The following SYNE2 variants were observed in gnomAD, a reference collection of about 807,000 sequenced individuals.
SYNE2 encodes the protein nesprin-2.
Under a neutral mutation model 856.3 loss-of-function variants are expected in SYNE2, and 431 were observed. The ratio of observed to expected loss-of-function variants is 0.50; its 90% CI spans 0.47 to 0.55. The LOEUF is 0.55. Among genes scored for constraint, SYNE2 ranks in the 20% least tolerant of loss-of-function variants. SYNE2 has a pLI of 0.00. For synonymous variants in SYNE2, 2,923 were observed against 2,872.3 expected (o/e 1.02, Z -0.56); for missense variants, 8,129 against 8,023.2 (o/e 1.01, Z -0.50).
chr14:64,174,918 C>G lies in SYNE2; in HGVS notation c.17236-26C>G, dbSNP rs142802895. 50 of 1,606,860 alleles carry G rather than the reference C, an allele frequency of 3.1e-5. No individual in the cohort carries two copies. In the African/African-American group the frequency reaches 5.3e-4, roughly 17 times the overall value. On this transcript the variant is annotated intron_variant, in intron 94 of 115. Transcript: ENST00000555002. ...ATTTTGAACACATCAGAAACCTAAG[C>G]AAATTACTTCTCTTTTTTTTCTTAG...
At chr14:63,974,343 G>A (rs1232724045) in intron 11 of SYNE2, among the ~76,000 whole-genome samples, 1 of 152,100 alleles carries the variant, frequency 6.6e-6, no homozygotes. Flanking sequence ...ATAGTGGAAG[G>A]CAAAGGGGAG....
intron 65 of SYNE2, among the ~76,000 whole-genome samples, chr14:64,111,364 G>C (rs998373966): frequency 2.0e-5 from 3 of 152,006 alleles, no homozygotes; most frequent in Non-Finnish European, 4.4e-5. Flanking sequence ...AAAAGGAAAG[G>C]GAATTCCAAA....
intron 2 of SYNE2, among the ~76,000 whole-genome samples, chr14:63,939,819 C>G (rs369936397): frequency 4.1e-4 from 62 of 152,294 alleles, no homozygotes; most frequent in African/African-American, 1.3e-3. Context: ...ATAACAGAAA[C>G]AGGATTTGAA....
At chr14:63,806,157 A>G (rs945413462) in intron 1 of SYNE2, among the ~76,000 whole-genome samples, 75 of 152,242 alleles carry the variant, frequency 4.9e-4, no homozygotes, top group Non-Finnish European at 9.4e-4. Flanking sequence ...ATGTTTCTCT[A>G]ATGCCAAGTT....
At chr14:63,948,987 C>T (rs779977385) in intron 6 of SYNE2, among the ~76,000 whole-genome samples, 5 of 151,398 alleles carry the variant, frequency 3.3e-5, no homozygotes, top group African/African-American at 7.3e-5. Context: ...ATGTTCTGTA[C>T]GCTCGTGAAA....
chr14:64,129,933 C>A, intron 75 of SYNE2, 32 bp downstream of exon 75: 2 of 1,614,060 alleles, frequency 1.2e-6, no homozygotes, highest in Non-Finnish European at 1.7e-6. Context: ...TGACTCAGCA[C>A]TGTGATTGTG....
intron 1 of SYNE2, among the ~76,000 whole-genome samples, chr14:63,770,827 A>G (rs1464864489): frequency 6.6e-6 from 1 of 152,060 alleles, no homozygotes; most frequent in Admixed American, 6.6e-5. Context: ...AACATTTTTC[A>G]ATAAAAAAAA....
At chr14:63,851,424 T>C (rs1413622964), upstream of SYNE2, among the ~76,000 whole-genome samples, 4 of 152,130 alleles carry the variant, frequency 2.6e-5, no homozygotes, top group Admixed American at 2.6e-4. Context: ...TAGAGCTTTG[T>C]TGTGACTCAA....
intron 2 of SYNE2, among the ~76,000 whole-genome samples, chr14:63,939,830 C>G (rs1238773729): frequency 6.6e-6 from 1 of 152,194 alleles, no homozygotes. Context: ...AGGATTTGAA[C>G]ACAGTTCTCT....
In SYNE2 at chr14:64,010,071, G is replaced by A. The variant is rs1224440196; in HGVS notation, c.4683G>A (p.Gln1561=). 1 of 1,613,986 alleles carries A rather than the reference G, an allele frequency of 6.2e-7. No individual in the cohort carries two copies. Among genetic ancestry groups the A allele is most frequent in the Non-Finnish European group, 8.5e-7 (1 of 1,179,944 alleles). ...IQKEESVISL[Q]ASYMGKENLK... Reference sequence around the variant, plus strand: ...AAGAAGAGAGTGTCATCTCCCTGCAGGCTTCGTACATGGGAAAGGAGAACC... The same window carrying A: ...AAGAAGAGAGTGTCATCTCCCTGCAAGCTTCGTACATGGGAAAGGAGAACC... Residue 1561 remains glutamine (Q), a synonymous_variant, in exon 32 of 116, where the codon CAG becomes CAA. Transcript: ENST00000555002.
intron 1 of SYNE2, among the ~76,000 whole-genome samples, chr14:63,780,312 C>T (rs765271504): frequency 7.0e-4 from 107 of 151,808 alleles, no homozygotes; most frequent in Admixed American, 1.8e-3. Context: ...GGCGGGCAGA[C>T]GATTTGAGGT....
At chr14:64,108,601 T>C (rs1325919757) in intron 65 of SYNE2, among the ~76,000 whole-genome samples, 3 of 152,190 alleles carry the variant, frequency 2.0e-5, no homozygotes, top group Non-Finnish European at 4.4e-5. Flanking sequence ...TTTGCTGTTT[T>C]TATTGTTTAA....
chr14:63,847,008 G>T (rs573620130), intron 1 of SYNE2, among the ~76,000 whole-genome samples: 2 of 151,434 alleles, frequency 1.3e-5, no homozygotes, highest in East Asian at 2.0e-4. Flanking sequence ...AAAAAATAGA[G>T]ACAAAGTCTT....
intron 73 of SYNE2, 69 bp from the exon 74 acceptor site, chr14:64,128,379 AAACC>A: frequency 1.2e-6 from 1 of 830,266 alleles, no homozygotes; most frequent in Non-Finnish European, 2.0e-6. Flanking sequence ...AAAATTATAA[AAACC>A]AACTAAATAT....
chr14:64,224,755 A>G (rs1168547469), intron 114 of SYNE2, among the ~76,000 whole-genome samples: 2 of 152,140 alleles, frequency 1.3e-5, no homozygotes, highest in Non-Finnish European at 2.9e-5. Context: ...AGTGTCGCTA[A>G]AGGGGTTCCC....
intron 91 of SYNE2, 30 bp downstream of exon 91, chr14:64,167,417 C>T (rs370853066): frequency 6.2e-7 from 1 of 1,614,088 alleles, no homozygotes; most frequent in African/African-American, 1.3e-5. Context: ...GTCGTTGTTT[C>T]AATTAAGGTA....
intron 45 of SYNE2, among the ~76,000 whole-genome samples, chr14:64,032,175 C>T (rs1037099944): frequency 6.6e-6 from 1 of 152,144 alleles, no homozygotes; most frequent in Non-Finnish European, 1.5e-5. Context: ...TTAAAGGAAC[C>T]AGGCAGGATT....
intron 14 of SYNE2, 40 bp from the exon 15 acceptor site, chr14:63,980,614 A>G (rs377083241): frequency 1.0e-5 from 14 of 1,381,392 alleles, no homozygotes; most frequent in African/African-American, 7.1e-5. Context: ...CACAATTTTA[A>G]AAGTAAAAAC....
intron 11 of SYNE2, among the ~76,000 whole-genome samples, chr14:63,975,380 T>C (rs2096533967): frequency 6.6e-6 from 1 of 152,234 alleles, no homozygotes; most frequent in Admixed American, 6.5e-5. Context: ...TCATCCAGGC[T>C]GGAGTGCAGT....
Sources: gnomAD v4.1 joint callset for allele counts (sites outside exome capture counted in the v4.1 genomes callset) on GRCh38, gnomAD v4.1.1 for gene constraint, MANE v1.5 for transcripts, NCBI Gene and HGNC (gene_info 2026-07-23, HGNC 2026-07-21) for gene names.